Variants in DAB1 observed in about 807,000 individuals in gnomAD.
DAB1 encodes disabled homolog 1.
Under a neutral mutation model 64.6 loss-of-function variants are expected in DAB1, and 15 were observed. That is an observed-to-expected ratio of 0.23 (90% CI 0.16 to 0.36). The LOEUF (loss-of-function observed/expected upper bound fraction) is 0.36. Ranked by LOEUF, DAB1 falls within the 10% of genes least tolerant of loss-of-function variation. The pLI is 1.00. For missense variants in DAB1, 596 were observed against 706.7 expected, an observed-to-expected ratio of 0.84 and a Z score of 1.78; for synonymous variants, 235 against 251.9, an observed-to-expected ratio of 0.93 and a Z score of 0.64.
At chr1:58,011,832 G>A (rs1478394158) in intron 5 of DAB1, among the ~76,000 whole-genome samples, 1 of 151,854 alleles carries the variant, frequency 6.6e-6, no homozygotes, top group East Asian at 1.9e-4. Context: ...CTGGGATTAT[G>A]GGCATCTGCC....
chr1:58,393,677 T>C (rs1005142157), intron 3 of DAB1, among the ~76,000 whole-genome samples: 7 of 152,012 alleles, frequency 4.6e-5, no homozygotes, highest in Non-Finnish European at 1.0e-4. Flanking sequence ...GAAGTAAAAC[T>C]CATAGAAGTA....
intron 5 of DAB1, among the ~76,000 whole-genome samples, chr1:58,023,831 T>C (rs1221301241): frequency 6.6e-6 from 1 of 152,174 alleles, no homozygotes; most frequent in Admixed American, 6.6e-5. Context: ...GTGGTAAACG[T>C]GGTCCTAAAA....
At chr1:57,690,343 T>TG (rs1006647040) in intron 6 of DAB1, among the ~76,000 whole-genome samples, 113 of 152,190 alleles carry the variant, frequency 7.4e-4, no homozygotes, top group Non-Finnish European at 1.4e-3. Context: ...AGGGGCATGG[T>TG]GGGGGGTAAT....
At chr1:58,126,438 A>G (rs1340230955) in intron 5 of DAB1, among the ~76,000 whole-genome samples, 1 of 140,118 alleles carries the variant, frequency 7.1e-6, no homozygotes, top group Non-Finnish European at 1.5e-5. Flanking sequence ...AGAAGGGGCC[A>G]ATCTTTTTCT....
At chr1:57,812,503 C>A (rs1466298928) in intron 6 of DAB1, among the ~76,000 whole-genome samples, 1 of 152,040 alleles carries the variant, frequency 6.6e-6, no homozygotes, top group Non-Finnish European at 1.5e-5. Context: ...GAAGGGGAGG[C>A]CGCAGATAGA....
chr1:58,433,589 G>A (rs1644904173), intron 3 of DAB1, among the ~76,000 whole-genome samples: 1 of 119,416 alleles, frequency 8.4e-6, no homozygotes, highest in Non-Finnish European at 1.7e-5. Context: ...GAGAGAGAGA[G>A]AGAGAGAGTG....
intron 6 of DAB1, among the ~76,000 whole-genome samples, chr1:57,799,644 G>T (rs1294149983): frequency 6.6e-6 from 1 of 151,934 alleles, no homozygotes; most frequent in Non-Finnish European, 1.5e-5. Context: ...TTAGAACCAG[G>T]GTCAACAAAC....
intron 1 of DAB1, among the ~76,000 whole-genome samples, chr1:57,844,078 G>T (rs903446089): frequency 6.6e-6 from 1 of 152,150 alleles, no homozygotes; most frequent in African/African-American, 2.4e-5. Flanking sequence ...CATATTCCAG[G>T]AATGGTCCTG....
chr1:57,343,141 C>T (rs1334720497), intron 1 of DAB1, among the ~76,000 whole-genome samples: 2 of 152,038 alleles, frequency 1.3e-5, no homozygotes, highest in Admixed American at 6.6e-5. Context: ...AAAGGTTCTC[C>T]ACGTCCCCAC....
intron 5 of DAB1, among the ~76,000 whole-genome samples, chr1:57,919,811 A>G (rs952583552): frequency 6.6e-6 from 1 of 152,174 alleles, no homozygotes; most frequent in African/African-American, 2.4e-5. Context: ...AAAATAATAT[A>G]ACCTGTGAAT....
chr1:58,035,484 A>G (rs1647031401), intron 5 of DAB1, among the ~76,000 whole-genome samples: 1 of 152,216 alleles, frequency 6.6e-6, no homozygotes, highest in African/African-American at 2.4e-5. Context: ...TACAACACCA[A>G]CTACATGGAA....
chr1:57,695,312 GAAA>G, intron 6 of DAB1, among the ~76,000 whole-genome samples: 1 of 102,960 alleles, frequency 9.7e-6, no homozygotes, highest in Non-Finnish European at 1.9e-5. Flanking sequence ...AAGAAAGAAA[GAAA>G]GAAAGAAAGA....
chr1:57,546,511 C>A (rs529725573), intron 7 of DAB1, among the ~76,000 whole-genome samples: 6 of 152,238 alleles, frequency 3.9e-5, no homozygotes, highest in African/African-American at 1.4e-4. Flanking sequence ...ACTTTTTGAG[C>A]CTTAGTTTTT....
At chr1:57,512,246 G>C (rs1037704625) in intron 7 of DAB1, among the ~76,000 whole-genome samples, 1 of 152,152 alleles carries the variant, frequency 6.6e-6, no homozygotes, top group African/African-American at 2.4e-5. Flanking sequence ...TTTCTTGAGA[G>C]CAGAGAGTTT....
intron 4 of DAB1, among the ~76,000 whole-genome samples, chr1:57,128,649 G>A (rs2100774138): frequency 6.6e-6 from 1 of 152,222 alleles, no homozygotes; most frequent in East Asian, 1.9e-4. Flanking sequence ...CGTACAGCAA[G>A]CAGATGAGCC....
chr1:57,225,169 A>T (rs1667168412), intron 2 of DAB1, among the ~76,000 whole-genome samples: 1 of 152,172 alleles, frequency 6.6e-6, no homozygotes, highest in African/African-American at 2.4e-5. Context: ...GAGTTCTGTG[A>T]GTCATTCCAG....
At chr1:57,934,625 G>A (rs1645000736) in intron 5 of DAB1, among the ~76,000 whole-genome samples, 3 of 152,156 alleles carry the variant, frequency 2.0e-5, no homozygotes, top group Admixed American at 2.0e-4. Flanking sequence ...CTGTTGTCCA[G>A]TATTGAGGGA....
At chr1:57,736,932 G>A (rs143796318) in intron 6 of DAB1, among the ~76,000 whole-genome samples, 2 of 152,310 alleles carry the variant, frequency 1.3e-5, no homozygotes, top group Admixed American at 1.3e-4. Context: ...CCTAGGTGTG[G>A]ACAGGCAAAG....
chr1:58,265,603 T>C lies in DAB1; in HGVS notation n.309+77749A>G, dbSNP rs1661140770. On this transcript the variant is annotated intron_variant and non_coding_transcript_variant, in intron 4 of 20. Coordinates refer to the DAB1 transcript ENST00000485760. The stretch of plus-strand genomic sequence containing the variant: ...TTTTTCATATTACATGAAAGAATAT[T>C]AATCAATTCTGTTTATGGCAAAATC... 2.6e-5 allele frequency among the ~76,000 whole-genome samples: 4 copies of C among 152,246 alleles called. No individual in the cohort carries two copies. In the South Asian group the frequency reaches 8.3e-4, roughly 32 times the overall value.
Sources: gnomAD v4.1 joint callset for allele counts (sites outside exome capture counted in the v4.1 genomes callset) on GRCh38, gnomAD v4.1.1 for gene constraint, MANE v1.5 for transcripts, NCBI Gene and HGNC (gene_info 2026-07-23, HGNC 2026-07-21) for gene names.